AQP3: variants seen among roughly 807,000 people sequenced by gnomAD.
AQP3 encodes aquaporin-3.
A neutral mutation model predicts 30.3 loss-of-function variants in AQP3; 15 were observed. The ratio of observed to expected loss-of-function variants is 0.49; its 90% CI spans 0.33 to 0.76. AQP3 has a LOEUF of 0.76. AQP3 is among the 30% of genes least tolerant of loss of function. AQP3 has a pLI of 0.02. For synonymous variants in AQP3, 153 were observed against 163.2 expected, an observed-to-expected ratio of 0.94 and a Z score of 0.47; for missense variants, 272 against 384.8, an observed-to-expected ratio of 0.71 and a Z score of 2.45.
At position 33,441,712 on chromosome 9, in the gene AQP3, C is replaced by G. The variant is rs914151045; in HGVS notation, c.*331G>C. On this transcript the variant is annotated 3_prime_UTR_variant, in exon 6 of 6. Coordinates refer to ENST00000297991, the MANE Select transcript of AQP3 (RefSeq NM_004925.5). The stretch of plus-strand genomic sequence containing the variant: ...GCCCTGAATATCTGGGAACCCCCCC[C>G]ACACACACACACCCCTGCACACACA... 5 of 346,812 alleles carry G rather than the reference C, an allele frequency of 1.4e-5. No homozygotes were observed. Among genetic ancestry groups the G allele is most frequent in the African/African-American group, 5.1e-5 (1 of 19,724 alleles). The allele number at this position is 346,812 out of a possible 1,614,324, so 21.5% of individuals were successfully genotyped here.
chr9:33,447,559 G>A lies in AQP3; in HGVS notation c.-29C>T, dbSNP rs747541959. 1.9e-4 allele frequency: 301 copies of A among 1,546,916 alleles called. 1 individual carries two copies. Among genetic ancestry groups the A allele is most frequent in the Non-Finnish European group, 2.6e-5 (30 of 1,137,236 alleles). On this transcript the variant is annotated 5_prime_UTR_variant, in exon 1 of 6. Coordinates refer to ENST00000297991, the MANE Select transcript of AQP3 (RefSeq NM_004925.5). ...GGGGCAGGCGGCGGCGCTGTCGGGC[G>A]GGCAGGGGTGGCGGGAGGCGGTGGC... is the stretch of plus-strand genomic sequence containing the variant.
Position 33,441,977 on chromosome 9 carries a change from G to A in AQP3, c.*66C>T. The A allele has an allele frequency of 6.3e-7, 1 of 1,584,902 alleles. No homozygotes were observed. Among genetic ancestry groups the A allele is most frequent in the Non-Finnish European group, 8.6e-7 (1 of 1,162,382 alleles). On this transcript the variant is annotated 3_prime_UTR_variant, in exon 6 of 6. Transcript: ENST00000297991. ...ATCGTGAAGGGGGCTTCTTGGGAGT[G>A]GCCCTTGGACAGTCAGTGGATGCTC...
chr9:33,445,585 GC>G (rs1826902883), intron 1 of AQP3, among the ~76,000 whole-genome samples: 1 of 152,118 alleles, frequency 6.6e-6, no homozygotes, highest in Non-Finnish European at 1.5e-5. Context: ...GCAGCTCCTT[GC>G]CTGCCAAAGG....
Position 33,443,548 on chromosome 9 carries a change from C to T in AQP3, c.236-90G>A. 1 of 1,528,060 alleles carries T rather than the reference C, an allele frequency of 6.5e-7. No homozygotes were observed. Among genetic ancestry groups the T allele is most frequent in the Non-Finnish European group, 8.9e-7 (1 of 1,123,986 alleles). 94.7% of individuals were successfully genotyped at this position (1,528,060 alleles called of 1,614,324 possible). ...TGAGAAGGGGTGCAGAGAGGGGTTT[C>T]TTGCACAGGATGGCGGTTGGTCTAT... On this transcript the variant is annotated intron_variant, in intron 2 of 5. Coordinates refer to ENST00000297991, the MANE Select transcript of AQP3 (RefSeq NM_004925.5). The surrounding 1 kb of genome is among the most constrained non-coding windows in gnomAD (Gnocchi z 5.0).
In AQP3 at chr9:33,443,238, T is replaced by C; in HGVS notation, c.373+83A>G. The C allele has an allele frequency of 6.5e-7, 1 of 1,533,506 alleles. No individual in the cohort carries two copies. The highest frequency in any genetic ancestry group is 8.8e-7 in the Non-Finnish European group (1 of 1,130,508). The allele number at this position is 1,533,506 out of a possible 1,614,324, so 95.0% of individuals were successfully genotyped here. A position where few individuals can be genotyped will look rare whatever the true frequency, so the allele number is the denominator to read the frequency against. On this transcript the variant is annotated intron_variant, in intron 3 of 5. Coordinates refer to ENST00000297991, the MANE Select transcript of AQP3 (RefSeq NM_004925.5). The surrounding 1 kb of genome is among the most constrained non-coding windows in gnomAD (Gnocchi z 5.0). ...CCGGGGCCTGGGCAGGTCCTAGCCG[T>C]CTGTCATCAAAAGGCCTGGTGCCAG...
At position 33,442,059 on chromosome 9, in the gene AQP3, TGCTTCACATGGGCCA is replaced by T. The variant is rs1826843188; in HGVS notation, c.848_862del (p.Leu283_Lys287del). 2 of 1,613,746 alleles carry T rather than the reference TGCTTCACATGGGCCA, an allele frequency of 1.2e-6. No homozygotes were observed. The highest frequency in any genetic ancestry group is 1.7e-5 in the Admixed American group (1 of 59,986). On this transcript the variant is annotated inframe_deletion, in exon 6 of 6. Coordinates refer to ENST00000297991, the MANE Select transcript of AQP3 (RefSeq NM_004925.5). ...CCTGCCCACTCAGATCTGCTCCTTGTGCTTCACATGGGCCAGCTTCACATTCTCTTCCTCGTTGGA... is the reference window on the plus strand; with the variant it reads ...CCTGCCCACTCAGATCTGCTCCTTGTGCTTCACATTCTCTTCCTCGTTGGA...
chr9:33,442,865 C>T lies in AQP3; in HGVS notation c.479G>A (p.Gly160Asp). The change falls in exon 4 of 6, where the codon GGC (glycine) becomes GAC (aspartate). Residue 160 changes from glycine to aspartate, a missense_variant. Around this residue, in one of 3 missense-constraint regions of AQP3, gnomAD observed 170 missense variants for 286.4 expected, o/e 0.59. Transcript: ENST00000297991. ...YPSGHLDMINGFFDQFIGTAS... is the reference protein window; with the variant it reads ...YPSGHLDMINDFFDQFIGTAS... ...CCCAGCCCATACCTGGTCAAAGAAG[C>T]CATTGATCATATCCAAGTGTCCAGA... 6.2e-7 allele frequency: 1 copy of T among 1,613,986 alleles called. No homozygotes were observed. Among genetic ancestry groups the T allele is most frequent in the Non-Finnish European group, 8.5e-7 (1 of 1,179,842 alleles).
At chr9:33,446,205 G>A (rs893266632) in intron 1 of AQP3, among the ~76,000 whole-genome samples, 3 of 152,230 alleles carry the variant, frequency 2.0e-5, no homozygotes, top group Non-Finnish European at 4.4e-5. Flanking sequence ...TGCCTTCTTG[G>A]CACAGGAGAG....
chr9:33,442,950 C>T lies in AQP3; in HGVS notation c.394G>A (p.Asp132Asn), dbSNP rs2231233. 2.0e-4 allele frequency: 327 copies of T among 1,614,180 alleles called. 1 individual carries two copies. The East Asian group carries it at 3.2e-3, about 16-fold the overall frequency. Residue 132 changes from aspartate (D) to asparagine (N), a missense_variant, in exon 4 of 6, where the codon GAC becomes AAC. By Grantham distance (23) the Asp-to-Asn change is conservative (BLOSUM62 1). Transcript: ENST00000297991. Reference protein sequence around the residue: ...LYYDAIWHFADNQLFVSGPNG... With the variant: ...LYYDAIWHFANNQLFVSGPNG... ...GGGCCCGAAACAAAAAGCTGGTTGT[C>T]GGCGAAGTGCCAGATTGCATCTGGT...
At position 33,442,968 on chromosome 9, in the gene AQP3, C is replaced by T. The variant is rs1262959318; in HGVS notation, c.376G>A (p.Ala126Thr). Residue 126 changes from alanine to threonine, a missense_variant and splice_region_variant, in exon 4 of 6, where the codon GCA becomes ACA. By Grantham distance (58) the Ala-to-Thr change is moderately conservative. Around this residue, in one of 3 missense-constraint regions of AQP3, gnomAD observed 170 missense variants for 286.4 expected, o/e 0.59. Coordinates refer to ENST00000297991, the MANE Select transcript of AQP3 (RefSeq NM_004925.5). ...AGIVFGLYYDAIWHFADNQLF... is the reference protein window; with the variant it reads ...AGIVFGLYYDTIWHFADNQLF... ...TGGTTGTCGGCGAAGTGCCAGATTG[C>T]ATCTGGTGACAGATTAGACACACAG... is the stretch of plus-strand genomic sequence containing the variant. 1 of 1,613,360 alleles carries T rather than the reference C, an allele frequency of 6.2e-7. No homozygotes were observed. Among genetic ancestry groups the T allele is most frequent in the Non-Finnish European group, 8.5e-7 (1 of 1,179,244 alleles).
intron 4 of AQP3, 119 bp downstream of exon 4, chr9:33,442,733 C>T (rs1288184101): frequency 1.4e-5 from 16 of 1,155,328 alleles, no homozygotes; most frequent in Non-Finnish European, 2.0e-5. Context: ...ATGCGGGTTA[C>T]CCCACAGATT....
At chr9:33,447,374 G>A in intron 1 of AQP3, 49 bp downstream of exon 1, 1 of 1,459,728 alleles carries the variant, frequency 6.9e-7, no homozygotes. Flanking sequence ...AGAGTTTGGG[G>A]AGTGCAAGGG....
Position 33,441,642 on chromosome 9 carries a change from C to T in AQP3, c.*401G>A. The T allele has an allele frequency of 2.6e-6, 1 of 380,908 alleles. No homozygotes were observed. The highest frequency in any genetic ancestry group is 8.6e-5 in the South Asian group (1 of 11,692). The allele number at this position is 380,908 out of a possible 1,614,324, so 23.6% of individuals were successfully genotyped here. ...AGATGGACAGGCTGCCTTCCCCTGT[C>T]TCTGGGCTCCCCCAATAGCCAGAAT... On this transcript the variant is annotated 3_prime_UTR_variant, in exon 6 of 6. Coordinates refer to ENST00000297991, the MANE Select transcript of AQP3 (RefSeq NM_004925.5).
chr9:33,442,790 A>G (rs1826857837), intron 4 of AQP3, 62 bp downstream of exon 4: 2 of 1,505,214 alleles, frequency 1.3e-6, no homozygotes, highest in Admixed American at 3.3e-5. Context: ...CAACCAGCCC[A>G]TGAGCTACCA....
intron 4 of AQP3, 84 bp from the exon 5 acceptor site, chr9:33,442,602 C>A: frequency 7.1e-7 from 1 of 1,403,026 alleles, no homozygotes; most frequent in South Asian, 1.2e-5. Context: ...CCCTCTAGCT[C>A]TTAAACTCTT....
chr9:33,442,789 C>G (rs746039157), intron 4 of AQP3, 63 bp downstream of exon 4: 9 of 1,496,182 alleles, frequency 6.0e-6, no homozygotes, highest in Non-Finnish European at 8.4e-6. Flanking sequence ...CCAACCAGCC[C>G]ATGAGCTACC....
At position 33,441,728 on chromosome 9, in the gene AQP3, TGC is replaced by T. The variant is rs1826835856; in HGVS notation, c.*313_*314del. ...AACCCCCCCCACACACACACACCCC[TGC>T]ACACACATGCACACACATGCACACA... On this transcript the variant is annotated 3_prime_UTR_variant, in exon 6 of 6. Coordinates refer to ENST00000297991, the MANE Select transcript of AQP3 (RefSeq NM_004925.5). 2.2e-6 allele frequency: 1 copy of T among 448,714 alleles called. No individual in the cohort carries two copies. Among genetic ancestry groups the T allele is most frequent in the African/African-American group, 5.3e-5 (1 of 18,712 alleles). 27.8% of individuals were successfully genotyped at this position (448,714 alleles called of 1,614,324 possible).
rs1371001347 is a variant in AQP3, at chr9:33,442,231, T to C, written c.711-20A>G. Reference sequence around the variant, plus strand: ...CCGGTCCTGGGGGGACAGACACTCATAGTCAGGGACATGGGGGGCAGGGCA... The same window carrying C: ...CCGGTCCTGGGGGGACAGACACTCACAGTCAGGGACATGGGGGGCAGGGCA... On this transcript the variant is annotated intron_variant, in intron 5 of 5. Coordinates refer to ENST00000297991, the MANE Select transcript of AQP3 (RefSeq NM_004925.5). The C allele has an allele frequency of 5.0e-6, 8 of 1,608,066 alleles. No individual in the cohort carries two copies. Among genetic ancestry groups the C allele is most frequent in the South Asian group, 2.2e-5 (2 of 90,926 alleles).
intron 1 of AQP3, among the ~76,000 whole-genome samples, chr9:33,445,662 TG>T (rs1242943651): frequency 6.6e-6 from 1 of 152,224 alleles, no homozygotes; most frequent in Admixed American, 6.5e-5. Flanking sequence ...TCCACCACCT[TG>T]GGGCTAATCT....
Sources: gnomAD v4.1 joint callset for allele counts (sites outside exome capture counted in the v4.1 genomes callset) on GRCh38, gnomAD v4.1.1 for gene constraint, gnomAD v4.1.1 regional missense constraint, Gnocchi (gnomAD v3.1) non-coding constraint, MANE v1.5 for transcripts, NCBI Gene and HGNC (gene_info 2026-07-23, HGNC 2026-07-21) for gene names.